Variants in DNAH11 observed in about 807,000 individuals in gnomAD.
The protein encoded by DNAH11 is dynein axonemal heavy chain 11, also known as axonemal beta dynein heavy chain 11.
A neutral mutation model predicts 526.0 loss-of-function variants in DNAH11; 442 were observed. That is an observed-to-expected ratio of 0.84 (90% CI 0.78 to 0.91). The LOEUF is 0.91. Among genes scored for constraint, DNAH11 ranks in the 40% least tolerant of loss-of-function variants. DNAH11 has a pLI of 0.00. For synonymous variants in DNAH11, 2,461 were observed against 1,935.9 expected, an observed-to-expected ratio of 1.27 and a Z score of -7.12; for missense variants, 6,989 against 5,448.7, an observed-to-expected ratio of 1.28 and a Z score of -8.90.
intron 76 of DNAH11, among the ~76,000 whole-genome samples, chr7:21,886,480 A>G (rs1784127787): frequency 6.6e-6 from 1 of 152,140 alleles, no homozygotes; most frequent in Non-Finnish European, 1.5e-5. Context: ...CCTTAGTTCT[A>G]ATGAGCAAGA....
At chr7:21,677,677 G>T (rs1022297881) in intron 30 of DNAH11, among the ~76,000 whole-genome samples, 1 of 152,158 alleles carries the variant, frequency 6.6e-6, no homozygotes. Context: ...GAGCCATCAC[G>T]GCCAGCCTGT....
rs766686586 is a variant in DNAH11 at position 21,852,597 on chromosome 7, C to T, written c.11027C>T (p.Ala3676Val). ...ACCAAACTGGTAGAGAGATTGGAGG[C>T]AACAAAGACCACCGTGGCAGAGATA... ...DDTKLVERLEATKTTVAEIEH... is the reference protein window; with the variant it reads ...DDTKLVERLEVTKTTVAEIEH... Residue 3676 changes from alanine (A) to valine (V), a missense_variant, in exon 67 of 82, where the codon GCA (alanine) becomes GTA (valine). Ala to Val is a moderately conservative substitution (Grantham distance 64). Coordinates refer to ENST00000409508, the MANE Select transcript of DNAH11 (RefSeq NM_001277115.2). 1.9e-6 allele frequency: 3 copies of T among 1,603,456 alleles called. No homozygotes were observed. Among genetic ancestry groups the T allele is most frequent in the Non-Finnish European group, 2.6e-6 (3 of 1,176,386 alleles).
intron 14 of DNAH11, among the ~76,000 whole-genome samples, chr7:21,592,134 A>T (rs529140589): frequency 3.3e-5 from 5 of 152,208 alleles, no homozygotes; most frequent in African/African-American, 7.2e-5. Context: ...TCCCCTGCCA[A>T]CCACCACCAA....
At chr7:21,667,742 A>T (rs1284287629) in intron 30 of DNAH11, among the ~76,000 whole-genome samples, 1 of 152,156 alleles carries the variant, frequency 6.6e-6, no homozygotes, top group African/African-American at 2.4e-5. Flanking sequence ...AAAAAACATA[A>T]TCCCTGTAAG....
At chr7:21,554,918 A>C (rs1783157775) in intron 2 of DNAH11, among the ~76,000 whole-genome samples, 1 of 152,140 alleles carries the variant, frequency 6.6e-6, no homozygotes, top group Non-Finnish European at 1.5e-5. Context: ...TTAAAGGAGC[A>C]ATTGGTTCGA....
At chr7:21,880,125 G>A (rs1783861831) in intron 74 of DNAH11, among the ~76,000 whole-genome samples, 1 of 151,358 alleles carries the variant, frequency 6.6e-6, no homozygotes, top group African/African-American at 2.4e-5. Flanking sequence ...AAAGGGAAGA[G>A]TGACAACTAA....
chr7:21,893,573 C>T (rs756122259), intron 77 of DNAH11, among the ~76,000 whole-genome samples: 4 of 152,218 alleles, frequency 2.6e-5, no homozygotes, highest in Non-Finnish European at 5.9e-5. Context: ...AGAAGGAAAG[C>T]TGCCTGAGGC....
intron 72 of DNAH11, 141 bp downstream of exon 72, chr7:21,868,148 A>T: frequency 1.3e-6 from 1 of 780,836 alleles, no homozygotes; most frequent in Admixed American, 3.7e-5. Context: ...GTGTATGGAA[A>T]ATGTAAAGCT....
chr7:21,859,984 C>A (rs1782995972), intron 68 of DNAH11, among the ~76,000 whole-genome samples: 1 of 152,090 alleles, frequency 6.6e-6, no homozygotes, highest in Admixed American at 6.6e-5. Flanking sequence ...CAAGCCTGGG[C>A]AACACAGAGA....
chr7:21,597,598 C>T (rs1416735618), intron 14 of DNAH11, among the ~76,000 whole-genome samples: 1 of 152,100 alleles, frequency 6.6e-6, no homozygotes, highest in Non-Finnish European at 1.5e-5. Flanking sequence ...GGGGAAGAAA[C>T]ACACACTTAT....
intron 40 of DNAH11, among the ~76,000 whole-genome samples, chr7:21,709,610 G>A (rs528002452): frequency 8.3e-4 from 127 of 152,226 alleles, no homozygotes; most frequent in African/African-American, 3.0e-3. Flanking sequence ...TAATAATAAA[G>A]CAGGACACCC....
Position 21,615,126 on chromosome 7 carries a change from C to T in DNAH11, c.3865C>T (p.Leu1289Phe). The change falls in exon 21 of 82, where the codon CTT becomes TTT. Residue 1289 changes from leucine to phenylalanine, a missense_variant. By Grantham distance (22) the Leu-to-Phe change is conservative. Transcript: ENST00000409508. ...GTTCTCTCCTTAGGCAAATGAAGAG[C>T]TTGAGGCCTTAGAAGAAGAAATGTT... ...YTALDKANEE[L>F]EALEEEMLQM... 6.2e-7 allele frequency: 1 copy of T among 1,611,258 alleles called. No homozygotes were observed.
chr7:21,852,341 A>G (rs1013450457), intron 66 of DNAH11, 126 bp from the exon 67 acceptor site: 2 of 918,984 alleles, frequency 2.2e-6, no homozygotes, highest in Non-Finnish European at 3.1e-6. Context: ...CAGGAGGCAC[A>G]CGTCGCAGTG....
intron 75 of DNAH11, among the ~76,000 whole-genome samples, chr7:21,883,044 G>A (rs1783979357): frequency 6.6e-6 from 1 of 152,174 alleles, no homozygotes; most frequent in South Asian, 2.1e-4. Flanking sequence ...GGTTGAGAGA[G>A]CATGTTGCGG....
chr7:21,619,903 A>T lies in DNAH11; in HGVS notation c.4378-53A>T, dbSNP rs531124001. On this transcript the variant is annotated intron_variant, in intron 24 of 81. Coordinates refer to ENST00000409508, the MANE Select transcript of DNAH11 (RefSeq NM_001277115.2). ...AAATTAATTCCAGATAATAGTCTAC[A>T]TATTGATTATCAATTAAATTTTGTG... 6.7e-6 allele frequency: 10 copies of T among 1,496,434 alleles called. No homozygotes were observed. In the South Asian group the frequency reaches 1.3e-4, roughly 19 times the overall value. 92.7% of individuals were successfully genotyped at this position (1,496,434 alleles called of 1,614,324 possible).
intron 6 of DNAH11, among the ~76,000 whole-genome samples, chr7:21,569,769 G>A (rs184604179): frequency 2.4e-4 from 36 of 152,260 alleles, no homozygotes; most frequent in Middle Eastern, 3.4e-3. Context: ...TTGCTGGCAG[G>A]CACAGTCATG....
At chr7:21,626,650 G>C (rs1348198256) in intron 25 of DNAH11, among the ~76,000 whole-genome samples, 1 of 151,856 alleles carries the variant, frequency 6.6e-6, no homozygotes, top group Non-Finnish European at 1.5e-5. Context: ...CATTTAACTG[G>C]GGTGACATCA....
At position 21,717,868 on chromosome 7, in the gene DNAH11, T is replaced by G; in HGVS notation, c.7077T>G (p.Asp2359Glu). ...ATAAATATGTCCCTGCATGCTTGGA[T>G]AAACTGAGAACAAGCTTTAAAACCA... is the stretch of plus-strand genomic sequence containing the variant. ...LFDKYVPACL[D>E]KLRTSFKTIT... Residue 2359 changes from aspartate (D) to glutamate (E), a missense_variant, in exon 43 of 82, where the codon GAT (aspartate) becomes GAG (glutamate). Coordinates refer to ENST00000409508, the MANE Select transcript of DNAH11 (RefSeq NM_001277115.2). 6.2e-7 allele frequency: 1 copy of G among 1,613,952 alleles called. No homozygotes were observed. Among genetic ancestry groups the G allele is most frequent in the Non-Finnish European group, 8.5e-7 (1 of 1,179,826 alleles).
intron 7 of DNAH11, chr7:21,570,838 C>T (rs992529270): frequency 6.7e-6 from 1 of 149,928 alleles, no homozygotes; most frequent in African/African-American, 2.5e-5. Context: ...TAAACACATA[C>T]AACCTACACA....
Sources: gnomAD v4.1 joint callset for allele counts (sites outside exome capture counted in the v4.1 genomes callset) on GRCh38, gnomAD v4.1.1 for gene constraint, MANE v1.5 for transcripts, NCBI Gene and HGNC (gene_info 2026-07-23, HGNC 2026-07-21) for gene names.